Variants in ENAH observed in about 807,000 individuals in gnomAD.
ENAH encodes protein enabled homolog.
A neutral mutation model predicts 78.7 loss-of-function variants in ENAH; 23 were observed. The observed-to-expected ratio is 0.29, with a 90% CI of 0.21 to 0.41. The LOEUF is 0.41. Among genes scored for constraint, ENAH ranks in the 10% least tolerant of loss-of-function variants. The pLI is 1.00. For missense variants in ENAH, 544 were observed against 691.0 expected (o/e 0.79, Z 2.39); for synonymous variants, 226 against 241.0 (o/e 0.94, Z 0.58).
At chr1:225,586,705 A>G (rs1305280445) in intron 1 of ENAH, among the ~76,000 whole-genome samples, 11 of 152,172 alleles carry the variant, frequency 7.2e-5, no homozygotes, top group Admixed American at 7.2e-4. Context: ...GTAACAGAAT[A>G]AAGGAGAAGA....
chr1:225,621,235 T>C (rs1369762165), intron 1 of ENAH, among the ~76,000 whole-genome samples: 1 of 152,144 alleles, frequency 6.6e-6, no homozygotes, highest in South Asian at 2.1e-4. Flanking sequence ...CCATTCTCAT[T>C]ATACTTATCA....
At chr1:225,512,060 T>C (rs2096381119) in intron 9 of ENAH, among the ~76,000 whole-genome samples, 1 of 152,196 alleles carries the variant, frequency 6.6e-6, no homozygotes, top group Non-Finnish European at 1.5e-5. Context: ...CCACAGCTCC[T>C]TTCCTCATGT....
chr1:225,645,275 T>A (rs756976033), intron 1 of ENAH, among the ~76,000 whole-genome samples: 6 of 152,258 alleles, frequency 3.9e-5, no homozygotes, highest in Non-Finnish European at 7.3e-5. Context: ...GGGCATTTCA[T>A]ATAAATGGAA....
At chr1:225,571,493 A>G (rs2096762266) in intron 1 of ENAH, among the ~76,000 whole-genome samples, 1 of 152,108 alleles carries the variant, frequency 6.6e-6, no homozygotes, top group African/African-American at 2.4e-5. Context: ...GGTCAACTGT[A>G]TTTGGCCTGG....
chr1:225,598,967 GGA>G (rs2096916473), intron 1 of ENAH, among the ~76,000 whole-genome samples: 1 of 152,008 alleles, frequency 6.6e-6, no homozygotes, highest in Admixed American at 6.5e-5. Flanking sequence ...TCTTTAAAAT[GGA>G]GAGATCTGGT....
intron 1 of ENAH, among the ~76,000 whole-genome samples, chr1:225,649,459 C>CA (rs999889532): frequency 1.3e-5 from 2 of 151,674 alleles, no homozygotes; most frequent in African/African-American, 4.8e-5. Context: ...TTAAAAGGCA[C>CA]ACACTGTATG....
intron 1 of ENAH, among the ~76,000 whole-genome samples, chr1:225,594,876 T>G (rs907368795): frequency 6.6e-6 from 1 of 152,232 alleles, no homozygotes; most frequent in South Asian, 2.1e-4. Flanking sequence ...CAATGAAGGT[T>G]AGAAACTACA....
chr1:225,568,096 A>G (rs2096743546), intron 1 of ENAH, among the ~76,000 whole-genome samples: 1 of 152,230 alleles, frequency 6.6e-6, no homozygotes, highest in South Asian at 2.1e-4. Flanking sequence ...TAATTTCTAA[A>G]GACCCCACTA....
intron 1 of ENAH, among the ~76,000 whole-genome samples, chr1:225,570,350 G>A (rs1413687646): frequency 6.6e-6 from 1 of 151,730 alleles, no homozygotes; most frequent in Non-Finnish European, 1.5e-5. Context: ...GCTGACCATT[G>A]AACAACATGG....
At position 225,652,869 on chromosome 1, in the gene ENAH, G is replaced by A. The variant is rs906488429; in HGVS notation, c.-179C>T. ...CTCGCACAAAGCCGAGGCGCCGGCC[G>A]GGAGTGTGGGAGAAGAGGGCGAGAG... is the stretch of plus-strand genomic sequence containing the variant. On this transcript the variant is annotated 5_prime_UTR_variant, in exon 1 of 14. Transcript: ENST00000366843. The A allele has an allele frequency of 9.4e-5, 39 of 415,948 alleles. No homozygotes were observed. The highest frequency in any genetic ancestry group is 1.4e-4 in the Non-Finnish European group (34 of 242,622). The allele number at this position is 415,948 out of a possible 1,614,324, so 25.8% of individuals were successfully genotyped here.
At chr1:225,601,840 T>G (rs957560316) in intron 1 of ENAH, among the ~76,000 whole-genome samples, 1 of 151,190 alleles carries the variant, frequency 6.6e-6, no homozygotes, top group Non-Finnish European at 1.5e-5. Context: ...TCAGGAAACA[T>G]TTAGAAAATA....
chr1:225,621,552 A>G (rs1410786697), intron 1 of ENAH, among the ~76,000 whole-genome samples: 4 of 151,882 alleles, frequency 2.6e-5, no homozygotes, highest in Admixed American at 1.3e-4. Context: ...TCGGCCTCCC[A>G]AAGTGCTGGG....
At chr1:225,551,831 GT>G (rs555218422) in intron 3 of ENAH, among the ~76,000 whole-genome samples, 100 of 152,272 alleles carry the variant, frequency 6.6e-4, no homozygotes, top group Non-Finnish European at 1.1e-3. Flanking sequence ...TTATCAATAA[GT>G]TTGTTCTGCT....
intron 1 of ENAH, among the ~76,000 whole-genome samples, chr1:225,633,000 T>C (rs1659376481): frequency 6.6e-6 from 1 of 152,018 alleles, no homozygotes; most frequent in Non-Finnish European, 1.5e-5. Context: ...AGGAAGTATG[T>C]GGCATGTTAG....
chr1:225,644,158 T>C (rs1170281307), intron 1 of ENAH, among the ~76,000 whole-genome samples: 1 of 151,928 alleles, frequency 6.6e-6, no homozygotes. Flanking sequence ...ACTAGATGGC[T>C]TGGATTTAAC....
chr1:225,597,529 C>T (rs966497912), intron 1 of ENAH, among the ~76,000 whole-genome samples: 2 of 151,842 alleles, frequency 1.3e-5, no homozygotes, highest in Non-Finnish European at 2.9e-5. Context: ...TGGTGGTACA[C>T]ACCTGTAGTC....
chr1:225,648,293 A>T (rs1662341437), intron 1 of ENAH, among the ~76,000 whole-genome samples: 1 of 152,216 alleles, frequency 6.6e-6, no homozygotes, highest in Non-Finnish European at 1.5e-5. Flanking sequence ...AATTGAAATC[A>T]CATTTTTTCA....
At chr1:225,534,573 TAC>T (rs1246037275) in intron 3 of ENAH, among the ~76,000 whole-genome samples, 1 of 152,070 alleles carries the variant, frequency 6.6e-6, no homozygotes, top group African/African-American at 2.4e-5. Flanking sequence ...ATAAAGTACA[TAC>T]ACAGAGCTGA....
chr1:225,620,692 C>G (rs1453276427), intron 1 of ENAH, among the ~76,000 whole-genome samples: 1 of 152,052 alleles, frequency 6.6e-6, no homozygotes, highest in African/African-American at 2.4e-5. Context: ...TCACTTCAAT[C>G]AGATCATAAG....
Sources: gnomAD v4.1 joint callset for allele counts (sites outside exome capture counted in the v4.1 genomes callset) on GRCh38, gnomAD v4.1.1 for gene constraint, MANE v1.5 for transcripts, NCBI Gene and HGNC (gene_info 2026-07-23, HGNC 2026-07-21) for gene names.